Variants in TRA2B observed in about 807,000 individuals in gnomAD.
TRA2B encodes transformer-2 protein homolog beta.
Under a neutral mutation model 41.7 loss-of-function variants are expected in TRA2B, and 14 were observed. That is an observed-to-expected ratio of 0.34 (90% CI 0.22 to 0.53). The LOEUF (loss-of-function observed/expected upper bound fraction) is 0.53. TRA2B is among the 20% of genes least tolerant of loss of function. The probability of loss-of-function intolerance (pLI) is 0.95; values close to 1 mark genes in which losing one functional copy is unlikely to be tolerated. For synonymous variants in TRA2B, 130 were observed against 128.8 expected, an observed-to-expected ratio of 1.01 and a Z score of -0.06; for missense variants, 167 against 396.8, an observed-to-expected ratio of 0.42 and a Z score of 4.92.
rs143031544 is a variant in TRA2B at position 185,923,761 on chromosome 3, A to G, written c.522+35T>C. The G allele has an allele frequency of 4.5e-5, 71 of 1,573,366 alleles. 1 individual carries two copies. In the East Asian group the frequency reaches 1.5e-3, roughly 34 times the overall value. On this transcript the variant is annotated intron_variant, in intron 4 of 8. Coordinates refer to ENST00000453386, the MANE Select transcript of TRA2B (RefSeq NM_004593.3). ...CTGATAACTTGGCGTTAACAATAGAACTGATGGTTTACAAAGGAACGGGCT... is the reference window on the plus strand; with the variant it reads ...CTGATAACTTGGCGTTAACAATAGAGCTGATGGTTTACAAAGGAACGGGCT...
At chr3:185,929,726 A>G (rs1193524972) in intron 1 of TRA2B, among the ~76,000 whole-genome samples, 1 of 152,212 alleles carries the variant, frequency 6.6e-6, no homozygotes, top group Non-Finnish European at 1.5e-5. Flanking sequence ...ATTATTTTAA[A>G]AACTGAATGT....
intron 1 of TRA2B, chr3:185,934,670 A>G: frequency 2.0e-6 from 2 of 985,340 alleles, no homozygotes; most frequent in Non-Finnish European, 2.4e-6. Context: ...GTAGATTCAG[A>G]GATGTTTCAG....
chr3:185,936,357 TAAAA>T, intron 1 of TRA2B: 4 of 984,178 alleles, frequency 4.1e-6, no homozygotes, highest in South Asian at 4.7e-5. Context: ...AGCAAGAACT[TAAAA>T]AAAAATCTAA....
Position 185,923,898 on chromosome 3 carries a change from T to C in TRA2B, c.420A>G (p.Lys140=). The part of the protein sequence containing the change: ...TERDLREVFS[K]YGPIADVSIV... ...TAGACACATCGGCAATGGGACCATA[T>C]TTAGAGAACACTTCTCTTAGATCTC... Residue 140 remains lysine, a synonymous_variant, in exon 4 of 9, where the codon AAA becomes AAG. Transcript: ENST00000453386. 1 of 1,614,110 alleles carries C rather than the reference T, an allele frequency of 6.2e-7. No homozygotes were observed. Among genetic ancestry groups the C allele is most frequent in the Non-Finnish European group, 8.5e-7 (1 of 1,179,976 alleles).
rs1457288575 is a variant in TRA2B, at chr3:185,914,756, G to A, written c.*2959C>T. ...ATGGCATGCTGAAGGAATATTGGAG[G>A]CGTGTCCACTGCTAATAAATCCAGC... On this transcript the variant is annotated 3_prime_UTR_variant, in exon 9 of 9. Coordinates refer to ENST00000453386, the MANE Select transcript of TRA2B (RefSeq NM_004593.3). Among the ~76,000 whole-genome samples the A allele has an allele frequency of 1.4e-5, 2 of 148,032 alleles. No homozygotes were observed. Among genetic ancestry groups the A allele is most frequent in the African/African-American group, 5.2e-5 (2 of 38,730 alleles).
chr3:185,936,695 GCA>G (rs1330032977), intron 1 of TRA2B: 1 of 978,496 alleles, frequency 1.0e-6, no homozygotes, highest in Non-Finnish European at 1.2e-6. Flanking sequence ...TTTTAAAAAA[GCA>G]CAAATTATTC....
chr3:185,925,332 A>G, intron 3 of TRA2B, 132 bp downstream of exon 3: 1 of 1,092,894 alleles, frequency 9.2e-7, no homozygotes, highest in Non-Finnish European at 1.3e-6. Flanking sequence ...GACTCTCTCA[A>G]AACACTAAAA....
intron 2 of TRA2B, among the ~76,000 whole-genome samples, chr3:185,926,343 T>C (rs997355766): frequency 6.6e-6 from 1 of 152,192 alleles, no homozygotes; most frequent in Admixed American, 6.5e-5. Flanking sequence ...TGGTACTGTA[T>C]TACTAATTTG....
Position 185,937,816 on chromosome 3 carries a change from T to A in TRA2B, c.36+9A>T. On this transcript the variant is annotated intron_variant, in intron 1 of 8. Transcript: ENST00000453386. Reference sequence around the variant, plus strand: ...CCACACAGCCACCCCCTACCGCAGCTCTACGTACCCGCTCGCCGTAGTTCT... The same window carrying A: ...CCACACAGCCACCCCCTACCGCAGCACTACGTACCCGCTCGCCGTAGTTCT... 2 of 1,614,026 alleles carry A rather than the reference T, an allele frequency of 1.2e-6. No homozygotes were observed. The highest frequency in any genetic ancestry group is 1.7e-6 in the Non-Finnish European group (2 of 1,180,034).
At chr3:185,930,431 A>T (rs1451166141) in intron 1 of TRA2B, among the ~76,000 whole-genome samples, 1 of 152,178 alleles carries the variant, frequency 6.6e-6, no homozygotes, top group Non-Finnish European at 1.5e-5. Flanking sequence ...AGAAATAAAC[A>T]GGCCTGAAAG....
In TRA2B at chr3:185,917,721, G is replaced by A; in HGVS notation, c.861C>T (p.Arg287=). The A allele has an allele frequency of 6.2e-7, 1 of 1,613,244 alleles. No homozygotes were observed. The highest frequency in any genetic ancestry group is 2.2e-5 in the East Asian group (1 of 44,832). ...TTCAGAAAGTCTTCATGCTTTAATA[G>A]CGACCTGGGAAGAAAAGAATGAACA... ...RSRSRSYSPR[R]Y is the part of the protein sequence containing the mutation. The change falls in exon 9 of 9, where the codon CGC becomes CGT. Residue 287 remains arginine (R), a synonymous_variant. Coordinates refer to ENST00000453386, the MANE Select transcript of TRA2B (RefSeq NM_004593.3).
intron 6 of TRA2B, among the ~76,000 whole-genome samples, chr3:185,920,810 T>A (rs543008910): frequency 1.6e-4 from 24 of 152,270 alleles, no homozygotes; most frequent in Middle Eastern, 3.4e-3. Context: ...ATTACAGGCG[T>A]GAGCTACTGC....
chr3:185,915,763 A>AG lies in TRA2B; in HGVS notation c.*1951_*1952insC, dbSNP rs1342464162. On this transcript the variant is annotated 3_prime_UTR_variant, in exon 9 of 9. Transcript: ENST00000453386. ...CTAAAACTCAGGCTTTAGGATAGAA[A>AG]CCGAGGGTTATGTTCGAGATTATCA... The AG allele has an allele frequency of 6.6e-6, 1 of 152,154 alleles. No homozygotes were observed. Among genetic ancestry groups the AG allele is most frequent in the Non-Finnish European group, 1.5e-5 (1 of 68,020 alleles). The allele number at this position is 152,154 out of a possible 1,614,324, so 9.4% of individuals were successfully genotyped here. A position where few individuals can be genotyped will look rare whatever the true frequency, so the allele number is the denominator to read the frequency against.
At chr3:185,920,965 C>G (rs1490020809) in intron 6 of TRA2B, 139 bp downstream of exon 6, 2 of 548,136 alleles carry the variant, frequency 3.6e-6, no homozygotes, top group Admixed American at 3.2e-5. Context: ...ACCTTAGAAT[C>G]TGATTTAACT....
Position 185,932,006 on chromosome 3 carries a change from T to TAC in TRA2B, c.37-5274_37-5273dup, listed in dbSNP as rs755148034. On this transcript the variant is annotated intron_variant, in intron 1 of 8. Transcript: ENST00000453386. ...ATATGCAGCTCAAAAAACTGAAAAC[T>TAC]ACATAGTTTTCTGCTGGTTCTAGAA... Among the ~76,000 whole-genome samples the TAC allele has an allele frequency of 2.0e-5, 3 of 151,290 alleles. No individual in the cohort carries two copies. The East Asian group carries it at 5.8e-4, about 29-fold the overall frequency.
At chr3:185,926,519 C>T in intron 2 of TRA2B, 82 bp downstream of exon 2, 13 of 1,563,620 alleles carry the variant, frequency 8.3e-6, no homozygotes, top group African/African-American at 1.4e-5. Flanking sequence ...TAATCTAACC[C>T]TCTCTACCTT....
chr3:185,921,348 AATAT>A (rs962875700), intron 5 of TRA2B, among the ~76,000 whole-genome samples, 161 bp from the exon 6 acceptor site: 1 of 152,142 alleles, frequency 6.6e-6, no homozygotes, highest in Non-Finnish European at 1.5e-5. Flanking sequence ...CCCTTGTTTC[AATAT>A]ATATAAACCT....
chr3:185,930,372 A>G (rs1406218759), intron 1 of TRA2B, among the ~76,000 whole-genome samples: 1 of 152,030 alleles, frequency 6.6e-6, no homozygotes, highest in Non-Finnish European at 1.5e-5. Context: ...AATTTGACAA[A>G]GGAATGCAAA....
At chr3:185,917,828 ATG>A in intron 8 of TRA2B, 103 bp from the exon 9 acceptor site, 1 of 1,267,918 alleles carries the variant, frequency 7.9e-7, no homozygotes, top group Non-Finnish European at 1.1e-6. Flanking sequence ...AGAAATTCCT[ATG>A]TGCCAGAACC....
Sources: allele counts gnomAD v4.1 joint callset (sites outside exome capture counted in the v4.1 genomes callset), GRCh38; gene constraint gnomAD v4.1.1; transcripts MANE v1.5; gene names NCBI Gene and HGNC (gene_info 2026-07-23, HGNC 2026-07-21).